The following CCDC77 variants were observed in gnomAD, a reference collection of about 807,000 sequenced individuals.
The protein encoded by CCDC77 is coiled-coil domain containing 77, also known as coiled-coil domain-containing protein 77.
In CCDC77, 56 loss-of-function variants were observed where a neutral mutation model predicts 66.8. The ratio of observed to expected loss-of-function variants is 0.84; its 90% CI spans 0.68 to 1.05. CCDC77 has a LOEUF of 1.05. Ranked by LOEUF, CCDC77 falls within the 50% of genes least tolerant of loss-of-function variation. The pLI is 0.00. For missense variants in CCDC77, 570 were observed against 576.8 expected (o/e 0.99, Z 0.12); for synonymous variants, 196 against 195.2 (o/e 1.00, Z -0.03).
chr12:418,420 T>G, intron 4 of CCDC77, 74 bp from the exon 5 acceptor site: 1 of 1,415,260 alleles, frequency 7.1e-7, no homozygotes, highest in Non-Finnish European at 9.9e-7. Context: ...ATGAGTAGAC[T>G]CCTCCCTATC....
At chr12:410,643 T>G (rs1409218399) in intron 3 of CCDC77, among the ~76,000 whole-genome samples, 1 of 149,004 alleles carries the variant, frequency 6.7e-6, no homozygotes, top group Non-Finnish European at 1.5e-5. Context: ...CCTCCTGCGT[T>G]CAAGCAATTA....
At chr12:413,658 C>T (rs1431216996) in intron 4 of CCDC77, among the ~76,000 whole-genome samples, 6 of 128,882 alleles carry the variant, frequency 4.7e-5, no homozygotes, top group East Asian at 2.4e-4. Flanking sequence ...GACGGAGTCT[C>T]GCTCTGTCGC....
intron 9 of CCDC77, chr12:436,874 C>G (rs1945769405): frequency 2.7e-6 from 1 of 369,070 alleles, no homozygotes; most frequent in South Asian, 1.1e-4. Flanking sequence ...CCTATAGTTT[C>G]CCAGTTTGAG....
upstream of CCDC77, among the ~76,000 whole-genome samples, chr12:398,580 A>G (rs1009639456): frequency 4.0e-5 from 6 of 149,712 alleles, no homozygotes; most frequent in Admixed American, 2.0e-4. Flanking sequence ...TCCACTTCTA[A>G]TTCTAGTTCT....
At chr12:407,674 G>A (rs1945020948) in intron 2 of CCDC77, among the ~76,000 whole-genome samples, 1 of 152,144 alleles carries the variant, frequency 6.6e-6, no homozygotes, top group Non-Finnish European at 1.5e-5. Flanking sequence ...ACGGAGTCAG[G>A]GAGAGAGGCA....
Position 440,913 on chromosome 12 carries a change from C to G in CCDC77, c.1237C>G (p.Arg413Gly). The change falls in exon 12 of 13, where the codon CGT becomes GGT. Residue 413 changes from arginine to glycine, a missense_variant. Physicochemically the swap from Arg to Gly is moderately radical, Grantham distance 125. Transcript: ENST00000239830. ...ACGCTATGAGGCATTGGAGCGTCGA[C>G]GTATCCTGGAAGTAGAAGGCTTTAA... ...TKRYEALERR[R>G]ILEVEGFKTD... The G allele has an allele frequency of 6.2e-7, 1 of 1,613,700 alleles. No individual in the cohort carries two copies. The highest frequency in any genetic ancestry group is 8.5e-7 in the Non-Finnish European group (1 of 1,179,982).
rs1945794325 is a variant in CCDC77, at chr12:438,374, A to G, written c.861A>G (p.Lys287=). The G allele has an allele frequency of 6.2e-7, 1 of 1,614,108 alleles. No homozygotes were observed. The highest frequency in any genetic ancestry group is 8.5e-7 in the Non-Finnish European group (1 of 1,179,996). ...AAGAACTGCTCTATGAGAGCACCAA[A>G]GATTTTCTGCAACTCAGATCTGAAA... ...HTQELLYEST[K]DFLQLRSENQ... is the part of the protein sequence containing the mutation. The change falls in exon 10 of 13, where the codon AAA becomes AAG. Residue 287 remains lysine (K), a synonymous_variant. Coordinates refer to ENST00000239830, the MANE Select transcript of CCDC77 (RefSeq NM_032358.4).
At chr12:407,578 A>G (rs1429926946) in intron 2 of CCDC77, among the ~76,000 whole-genome samples, 1 of 152,132 alleles carries the variant, frequency 6.6e-6, no homozygotes. Flanking sequence ...AGACTTCAGG[A>G]GATCACCAAG....
intron 5 of CCDC77, chr12:418,852 C>A: frequency 2.0e-6 from 1 of 506,682 alleles, no homozygotes; most frequent in Non-Finnish European, 3.5e-6. Context: ...GTGTGCACTA[C>A]AAGGCCTAGC....
intron 2 of CCDC77, 102 bp from the exon 3 acceptor site, chr12:409,266 G>A: frequency 1.5e-5 from 11 of 735,554 alleles, no homozygotes; most frequent in South Asian, 5.2e-5. Context: ...TTCTTTCCAA[G>A]AAGCAAATAT....
chr12:407,372 GAA>G (rs1179839922), intron 2 of CCDC77, among the ~76,000 whole-genome samples: 1 of 152,204 alleles, frequency 6.6e-6, no homozygotes, highest in Non-Finnish European at 1.5e-5. Context: ...AATTCTGAGA[GAA>G]GAGCAGGTTT....
At chr12:434,615 G>A (rs1945714622) in intron 9 of CCDC77, among the ~76,000 whole-genome samples, 1 of 152,106 alleles carries the variant, frequency 6.6e-6, no homozygotes, top group Admixed American at 6.5e-5. Context: ...GCCTCCCAAA[G>A]TGCTGGGATT....
At chr12:439,147 A>G (rs567346127) in intron 10 of CCDC77, among the ~76,000 whole-genome samples, 5 of 152,200 alleles carry the variant, frequency 3.3e-5, no homozygotes, top group South Asian at 2.1e-4. Context: ...AGTTACAGTA[A>G]TCTAAACAAG....
intron 4 of CCDC77, among the ~76,000 whole-genome samples, chr12:415,720 C>T (rs1273169698): frequency 3.9e-5 from 6 of 151,968 alleles, no homozygotes; most frequent in African/African-American, 1.4e-4. Flanking sequence ...GCAGCCTCAA[C>T]GTCCTGGACT....
chr12:433,171 T>C lies in CCDC77; in HGVS notation c.673-3T>C. The C allele has an allele frequency of 1.2e-6, 2 of 1,613,272 alleles. No homozygotes were observed. The highest frequency in any genetic ancestry group is 1.7e-6 in the Non-Finnish European group (2 of 1,179,584). On this transcript the variant is annotated splice_polypyrimidine_tract_variant and splice_region_variant and intron_variant, in intron 8 of 12. Transcript: ENST00000239830. ...ATTCCTCACCCCTTTTTGGCCTGTC[T>C]AGGTGGAAGCACTGCAGGCTCAGCT...
chr12:414,993 A>G (rs1419848801), intron 4 of CCDC77, among the ~76,000 whole-genome samples: 2 of 151,984 alleles, frequency 1.3e-5, no homozygotes, highest in African/African-American at 4.8e-5. Context: ...TTGGAGGTTT[A>G]CTTGTCATTT....
At chr12:412,602 A>G (rs577328062) in intron 4 of CCDC77, among the ~76,000 whole-genome samples, 1 of 152,322 alleles carries the variant, frequency 6.6e-6, no homozygotes, top group Admixed American at 6.5e-5. Context: ...CCCAGCTGTG[A>G]CAATCAAGAA....
chr12:429,678 C>CG (rs942905166), intron 6 of CCDC77, among the ~76,000 whole-genome samples: 4 of 151,954 alleles, frequency 2.6e-5, no homozygotes, highest in African/African-American at 9.7e-5. Context: ...AGGCTGGTCT[C>CG]GAACTCCTGA....
At chr12:408,650 G>A (rs940957638) in intron 2 of CCDC77, among the ~76,000 whole-genome samples, 1 of 151,970 alleles carries the variant, frequency 6.6e-6, no homozygotes, top group African/African-American at 2.4e-5. Flanking sequence ...TATAGGTACG[G>A]GCCACTGCAC....
Sources: gnomAD v4.1 joint callset for allele counts (sites outside exome capture counted in the v4.1 genomes callset) on GRCh38, gnomAD v4.1.1 for gene constraint, MANE v1.5 for transcripts, NCBI Gene and HGNC (gene_info 2026-07-23, HGNC 2026-07-21) for gene names.